Variants in LRRC4C observed in about 807,000 individuals in gnomAD.
LRRC4C encodes leucine-rich repeat-containing protein 4C.
In LRRC4C, 5 loss-of-function variants were observed where a neutral mutation model predicts 33.6. The ratio of observed to expected loss-of-function variants is 0.15; its 90% CI spans 0.08 to 0.31. The LOEUF (loss-of-function observed/expected upper bound fraction) is 0.31. LRRC4C is among the 10% of genes least tolerant of loss of function. The pLI is 1.00. For synonymous variants in LRRC4C, 329 were observed against 302.0 expected, an observed-to-expected ratio of 1.09 and a Z score of -0.93; for missense variants, 560 against 796.7, an observed-to-expected ratio of 0.70 and a Z score of 3.58.
At chr11:40,734,704 A>G (rs961598436) in intron 2 of LRRC4C, among the ~76,000 whole-genome samples, 2 of 152,204 alleles carry the variant, frequency 1.3e-5, no homozygotes, top group Non-Finnish European at 2.9e-5. Flanking sequence ...ATGTTTCTTT[A>G]CAATCTAAAA....
chr11:40,996,433 G>A (rs1853978604), intron 1 of LRRC4C, among the ~76,000 whole-genome samples: 1 of 152,066 alleles, frequency 6.6e-6, no homozygotes, highest in Non-Finnish European at 1.5e-5. Flanking sequence ...CTTATCTGTA[G>A]GCAAATATCA....
intron 1 of LRRC4C, among the ~76,000 whole-genome samples, chr11:41,145,599 C>CT (rs1943696056): frequency 6.6e-6 from 1 of 151,678 alleles, no homozygotes; most frequent in Non-Finnish European, 1.5e-5. Flanking sequence ...AATATATACT[C>CT]TACAACACTT....
intron 1 of LRRC4C, among the ~76,000 whole-genome samples, chr11:41,427,542 T>G (rs1472972458): frequency 6.6e-6 from 1 of 152,184 alleles, no homozygotes; most frequent in Non-Finnish European, 1.5e-5. Flanking sequence ...AAGAGATATT[T>G]AAGCCAAGAG....
intron 1 of LRRC4C, among the ~76,000 whole-genome samples, chr11:41,362,433 G>A (rs1317282795): frequency 2.0e-5 from 3 of 152,140 alleles, no homozygotes; most frequent in Admixed American, 6.5e-5. Flanking sequence ...GATTTTGATG[G>A]AGAAATGGAG....
chr11:40,875,296 G>A (rs78120641), intron 2 of LRRC4C, among the ~76,000 whole-genome samples: 11,090 of 152,102 alleles, frequency 0.073, 668 homozygotes, highest in African/African-American at 0.16. Context: ...TGACATTGTC[G>A]AAAAGTTATA....
At chr11:40,418,075 T>G (rs985113254) in intron 3 of LRRC4C, among the ~76,000 whole-genome samples, 1 of 152,180 alleles carries the variant, frequency 6.6e-6, no homozygotes, top group South Asian at 2.1e-4. Context: ...AAAGTCTGTG[T>G]CTTCCACTAG....
intron 5 of LRRC4C, among the ~76,000 whole-genome samples, chr11:40,232,038 G>A (rs770041460): frequency 3.2e-4 from 48 of 152,038 alleles, no homozygotes; most frequent in Non-Finnish European, 3.1e-4. Context: ...ACAGAGTCTC[G>A]CTCTGTCACC....
chr11:40,320,320 A>T (rs1945780254), intron 3 of LRRC4C, among the ~76,000 whole-genome samples: 1 of 152,106 alleles, frequency 6.6e-6, no homozygotes, highest in Non-Finnish European at 1.5e-5. Context: ...CCTGTCTAAC[A>T]CGGTGAAACC....
chr11:40,733,915 G>A (rs1363068635), intron 2 of LRRC4C, among the ~76,000 whole-genome samples: 1 of 152,016 alleles, frequency 6.6e-6, no homozygotes, highest in Non-Finnish European at 1.5e-5. Flanking sequence ...AGAAAAGTAA[G>A]TCAGAATAGG....
chr11:41,327,778 G>A (rs1951167738), intron 1 of LRRC4C, among the ~76,000 whole-genome samples: 1 of 152,038 alleles, frequency 6.6e-6, no homozygotes, highest in South Asian at 2.1e-4. Context: ...GAGATCTGAT[G>A]GTTTTAAAAA....
intron 1 of LRRC4C, among the ~76,000 whole-genome samples, chr11:41,264,695 C>A (rs1949092702): frequency 6.6e-6 from 1 of 152,024 alleles, no homozygotes; most frequent in Non-Finnish European, 1.5e-5. Context: ...AGATATCAGG[C>A]AAGATATCTA....
At chr11:40,327,470 TG>T (rs1946155877) in intron 3 of LRRC4C, among the ~76,000 whole-genome samples, 1 of 152,224 alleles carries the variant, frequency 6.6e-6, no homozygotes, top group African/African-American at 2.4e-5. Flanking sequence ...AAGAAGTTGC[TG>T]TTAATTACAC....
intron 2 of LRRC4C, among the ~76,000 whole-genome samples, chr11:40,835,302 A>G (rs1227625021): frequency 2.0e-5 from 3 of 152,174 alleles, no homozygotes; most frequent in Non-Finnish European, 2.9e-5. Context: ...GCAAGATCAC[A>G]TGTTTTATTA....
intron 1 of LRRC4C, among the ~76,000 whole-genome samples, chr11:41,033,405 G>A (rs1856838293): frequency 6.6e-6 from 1 of 151,992 alleles, no homozygotes; most frequent in Non-Finnish European, 1.5e-5. Flanking sequence ...ACAGCCACAA[G>A]CTTATGGATG....
intron 1 of LRRC4C, among the ~76,000 whole-genome samples, chr11:41,382,871 G>A (rs1294464945): frequency 6.6e-6 from 1 of 152,080 alleles, no homozygotes; most frequent in Non-Finnish European, 1.5e-5. Flanking sequence ...GACAAGTTGG[G>A]TTTTATGCCT....
intron 1 of LRRC4C, among the ~76,000 whole-genome samples, chr11:41,324,370 C>T (rs188525194): frequency 6.5e-4 from 99 of 152,176 alleles, no homozygotes; most frequent in African/African-American, 2.1e-3. Context: ...GCAGAAGTTG[C>T]GGTGAGCCAA....
chr11:40,973,796 C>T (rs1851895661), intron 1 of LRRC4C, among the ~76,000 whole-genome samples: 1 of 151,776 alleles, frequency 6.6e-6, no homozygotes, highest in African/African-American at 2.4e-5. Context: ...TTATTTGATT[C>T]CATTGTTGAT....
At chr11:40,818,054 A>G (rs1951778155) in intron 2 of LRRC4C, among the ~76,000 whole-genome samples, 1 of 152,132 alleles carries the variant, frequency 6.6e-6, no homozygotes, top group African/African-American at 2.4e-5. Flanking sequence ...TGTTTAAACA[A>G]GATTTCTTAA....
chr11:40,647,952 C>A (rs1292610898), intron 3 of LRRC4C, among the ~76,000 whole-genome samples, 190 bp downstream of exon 3: 1 of 152,136 alleles, frequency 6.6e-6, no homozygotes, highest in Non-Finnish European at 1.5e-5. Flanking sequence ...CTGACTGAAG[C>A]CCAAATGAAC....
Sources: gnomAD v4.1 joint callset for allele counts (sites outside exome capture counted in the v4.1 genomes callset) on GRCh38, gnomAD v4.1.1 for gene constraint, MANE v1.5 for transcripts, NCBI Gene and HGNC (gene_info 2026-07-23, HGNC 2026-07-21) for gene names.